The following SPATA17 variants were observed in gnomAD, a reference collection of about 807,000 sequenced individuals.
The protein encoded by SPATA17 is spermatogenesis associated 17, also known as spermatogenesis-associated protein 17.
In SPATA17, 53 loss-of-function variants were observed where a neutral mutation model predicts 62.2. That is an observed-to-expected ratio of 0.85 (90% CI 0.68 to 1.07). The LOEUF is 1.07. Ranked by LOEUF, SPATA17 falls within the 50% of genes least tolerant of loss-of-function variation. The pLI is 0.00. For synonymous variants in SPATA17, 146 were observed against 146.8 expected (o/e 0.99, Z 0.04); for missense variants, 466 against 425.5 (o/e 1.10, Z -0.84).
At chr1:217,738,292 T>C (rs893341433) in intron 5 of SPATA17, among the ~76,000 whole-genome samples, 1 of 152,206 alleles carries the variant, frequency 6.6e-6, no homozygotes, top group Non-Finnish European at 1.5e-5. Flanking sequence ...TAGGAACTCA[T>C]ATTCCATGCT....
At chr1:217,829,147 T>C (rs190319757) in intron 9 of SPATA17, among the ~76,000 whole-genome samples, 1 of 152,268 alleles carries the variant, frequency 6.6e-6, no homozygotes. Flanking sequence ...ATTTCTACAT[T>C]CATTGCAGCA....
chr1:217,827,406 G>C (rs1173684374), intron 9 of SPATA17, among the ~76,000 whole-genome samples: 1 of 151,662 alleles, frequency 6.6e-6, no homozygotes, highest in Admixed American at 6.6e-5. Flanking sequence ...AGAGAAATAG[G>C]AATGCTTTTA....
At position 217,868,255 on chromosome 1, in the gene SPATA17, G is replaced by T. The variant is rs1489541597; in HGVS notation, c.*1236G>T. 1.3e-5 allele frequency: 2 copies of T among 152,106 alleles called. No individual in the cohort carries two copies. Among genetic ancestry groups the T allele is most frequent in the Non-Finnish European group, 1.5e-5 (1 of 68,028 alleles). 9.4% of individuals were successfully genotyped at this position (152,106 alleles called of 1,614,324 possible). ...GGTTTACAAAGTTATAGATATAAAT[G>T]TTGAAATATTTACAGATGCAGTGAT... On this transcript the variant is annotated 3_prime_UTR_variant, in exon 11 of 11. Transcript: ENST00000366933.
chr1:217,811,877 A>G (rs1674599347), intron 9 of SPATA17, among the ~76,000 whole-genome samples: 1 of 152,136 alleles, frequency 6.6e-6, no homozygotes, highest in South Asian at 2.1e-4. Context: ...ACTTTTTTCT[A>G]TACTTTTATA....
chr1:217,790,772 A>C (rs763920619), intron 8 of SPATA17, among the ~76,000 whole-genome samples: 7 of 152,236 alleles, frequency 4.6e-5, no homozygotes, highest in Non-Finnish European at 1.0e-4. Flanking sequence ...CTAATTAAGT[A>C]TGATTTCGTA....
At chr1:217,768,397 T>A (rs1050171540) in intron 6 of SPATA17, among the ~76,000 whole-genome samples, 2 of 152,166 alleles carry the variant, frequency 1.3e-5, no homozygotes, top group Non-Finnish European at 1.5e-5. Context: ...CATGTTTCTT[T>A]AACAGAGGCA....
chr1:217,853,870 A>T (rs554736281), intron 9 of SPATA17, among the ~76,000 whole-genome samples: 3 of 152,282 alleles, frequency 2.0e-5, no homozygotes, highest in Admixed American at 1.3e-4. Flanking sequence ...ACACTTAAGG[A>T]ACACTAGGCA....
At chr1:217,803,266 A>C (rs1674358274) in intron 9 of SPATA17, among the ~76,000 whole-genome samples, 1 of 152,154 alleles carries the variant, frequency 6.6e-6, no homozygotes, top group African/African-American at 2.4e-5. Context: ...TCCTAGCCAG[A>C]GCAGTTAGGC....
rs370367299 is a variant in SPATA17 at position 217,782,176 on chromosome 1, G to T, written c.726G>T (p.Gly242=). 5.7e-6 allele frequency: 9 copies of T among 1,587,800 alleles called. No homozygotes were observed. The highest frequency in any genetic ancestry group is 2.7e-5 in the African/African-American group (2 of 73,626). ...TGTTCCTCATCCTGTCTTGTCAGGG[G>T]CCCTTCCGAGATATCACCGAAGTAT... ...LPPINRKQCQ[G]PFRDITEVLE... Residue 242 remains glycine, a splice_region_variant and synonymous_variant, in exon 8 of 11, where the codon GGG becomes GGT. Coordinates refer to ENST00000366933, the MANE Select transcript of SPATA17 (RefSeq NM_138796.4).
At chr1:217,799,510 A>G (rs1674249952) in intron 8 of SPATA17, among the ~76,000 whole-genome samples, 1 of 152,126 alleles carries the variant, frequency 6.6e-6, no homozygotes, top group Non-Finnish European at 1.5e-5. Context: ...ACCATAATCT[A>G]TCTTATATGA....
At chr1:217,747,561 CTTA>C (rs1318934200) in intron 6 of SPATA17, among the ~76,000 whole-genome samples, 2 of 151,958 alleles carry the variant, frequency 1.3e-5, no homozygotes, top group African/African-American at 2.4e-5. Context: ...CAATAGTTAT[CTTA>C]TTAGTGAAAA....
intron 9 of SPATA17, among the ~76,000 whole-genome samples, chr1:217,829,487 G>A (rs1383706179): frequency 1.3e-5 from 2 of 151,658 alleles, no homozygotes; most frequent in Non-Finnish European, 2.9e-5. Flanking sequence ...AATTAGCCGG[G>A]CATGGTGGCC....
chr1:217,674,420 C>T (rs1336944376), intron 4 of SPATA17, among the ~76,000 whole-genome samples: 1 of 152,194 alleles, frequency 6.6e-6, no homozygotes, highest in Non-Finnish European at 1.5e-5. Flanking sequence ...GCCTCATCTA[C>T]TCAGCCTGCC....
chr1:217,649,733 C>CTTT (rs34501876), intron 2 of SPATA17, among the ~76,000 whole-genome samples: 1 of 141,668 alleles, frequency 7.1e-6, no homozygotes, highest in African/African-American at 2.6e-5. Context: ...CTCTTTCTCA[C>CTTT]TTTTTTTTTT....
chr1:217,744,438 G>A lies in SPATA17; in HGVS notation c.519+2340G>A, dbSNP rs551914691. ...AGATCCCGCCACTGCACTCCAGCCTGGGCGACAGAGCGAGACTCCGTCTCA... is the reference window on the plus strand; with the variant it reads ...AGATCCCGCCACTGCACTCCAGCCTAGGCGACAGAGCGAGACTCCGTCTCA... On this transcript the variant is annotated intron_variant, in intron 6 of 10. Coordinates refer to ENST00000366933, the MANE Select transcript of SPATA17 (RefSeq NM_138796.4). 5.9e-3 allele frequency among the ~76,000 whole-genome samples: 239 copies of A among 40,804 alleles called. 51 individuals are homozygous for A. The highest frequency in any genetic ancestry group is 0.012 in the African/African-American group (208 of 18,060). The allele number at this position is 40,804 out of a possible 152,430, so 26.8% of individuals were successfully genotyped here.
At chr1:217,825,980 T>G (rs1315372248) in intron 9 of SPATA17, among the ~76,000 whole-genome samples, 2 of 152,152 alleles carry the variant, frequency 1.3e-5, no homozygotes, top group Admixed American at 6.6e-5. Context: ...TTATTTATTT[T>G]CTAGCTGGCT....
intron 2 of SPATA17, among the ~76,000 whole-genome samples, chr1:217,649,934 C>CTTTT (rs771612819): frequency 2.7e-4 from 32 of 120,406 alleles, no homozygotes; most frequent in African/African-American, 6.0e-4. Context: ...AGGCTTCTCT[C>CTTTT]TTTTTTTTTT....
chr1:217,681,175 C>T (rs114675554), intron 4 of SPATA17, among the ~76,000 whole-genome samples: 6,766 of 150,484 alleles, frequency 0.045, 231 homozygotes, highest in Middle Eastern at 0.1. Flanking sequence ...TACAGTGAAC[C>T]GAAATCGCGC....
chr1:217,834,055 T>C (rs1277704409), intron 9 of SPATA17, among the ~76,000 whole-genome samples: 2 of 152,090 alleles, frequency 1.3e-5, no homozygotes, highest in Non-Finnish European at 2.9e-5. Flanking sequence ...GACGTTTCAG[T>C]CAACAATAGA....
Sources: gnomAD v4.1 joint callset for allele counts (sites outside exome capture counted in the v4.1 genomes callset) on GRCh38, gnomAD v4.1.1 for gene constraint, MANE v1.5 for transcripts, NCBI Gene and HGNC (gene_info 2026-07-23, HGNC 2026-07-21) for gene names.